Variants in SERINC5 observed in about 807,000 individuals in gnomAD.
The protein encoded by SERINC5 is chromosome 5 open reading frame 12.
A neutral mutation model predicts 63.1 loss-of-function variants in SERINC5; 41 were observed. The observed-to-expected ratio is 0.65, with a 90% CI of 0.51 to 0.84. The LOEUF (loss-of-function observed/expected upper bound fraction) is 0.84, where lower values mean the gene tolerates loss of function less well. Ranked by LOEUF, SERINC5 falls within the 40% of genes least tolerant of loss-of-function variation. The probability of loss-of-function intolerance (pLI) is 0.00; values close to 1 mark genes in which losing one functional copy is unlikely to be tolerated. For synonymous variants in SERINC5, 222 were observed against 215.2 expected (o/e 1.03, Z -0.28); for missense variants, 523 against 573.0 (o/e 0.91, Z 0.89).
At chr5:80,226,061 CCCT>C (rs1426478671) in intron 1 of SERINC5, among the ~76,000 whole-genome samples, 2 of 151,802 alleles carry the variant, frequency 1.3e-5, no homozygotes, top group Non-Finnish European at 2.9e-5. Context: ...AAAACCACCC[CCCT>C]GCCTTTTGTT....
chr5:80,229,831 C>A (rs986211451), intron 1 of SERINC5, among the ~76,000 whole-genome samples: 3 of 152,182 alleles, frequency 2.0e-5, no homozygotes, highest in African/African-American at 7.2e-5. Flanking sequence ...TCTGCTGCCT[C>A]ATACAAAACA....
rs200623852 is a variant in SERINC5 at position 80,191,695 on chromosome 5, C to CT, written c.195+11190dup. On this transcript the variant is annotated intron_variant, in intron 2 of 11. Transcript: ENST00000507668. ...AAAAAAAGAAAGAAAAAAAAAAAGACTTTTTTTTTTTTAACTTGTAAACAA... is the reference window on the plus strand; with the variant it reads ...AAAAAAAGAAAGAAAAAAAAAAAGACTTTTTTTTTTTTTAACTTGTAAACAA... Among the ~76,000 whole-genome samples, 527 of 140,170 alleles carry CT rather than the reference C, an allele frequency of 3.8e-3. 9 individuals are homozygous for CT. The highest frequency in any genetic ancestry group is 0.021 in the Admixed American group (290 of 14,082). 92.0% of individuals were successfully genotyped at this position (140,170 alleles called of 152,430 possible). A position where few individuals can be genotyped will look rare whatever the true frequency, so the allele number is the denominator to read the frequency against.
intron 1 of SERINC5, among the ~76,000 whole-genome samples, chr5:80,203,502 T>C (rs964828091): frequency 6.6e-6 from 1 of 151,538 alleles, no homozygotes; most frequent in African/African-American, 2.4e-5. Flanking sequence ...CAAGACCCCA[T>C]CTCTTACAAA....
At chr5:80,136,518 A>C (rs1211390774), downstream of SERINC5, among the ~76,000 whole-genome samples, 4 of 152,222 alleles carry the variant, frequency 2.6e-5, no homozygotes, top group Non-Finnish European at 5.9e-5. Flanking sequence ...CTTTTATTTC[A>C]TACCATATTA....
intron 1 of SERINC5, among the ~76,000 whole-genome samples, chr5:80,253,708 C>T (rs1752525004): frequency 6.6e-6 from 1 of 152,192 alleles, no homozygotes; most frequent in Admixed American, 6.5e-5. Flanking sequence ...CAACCCTCCT[C>T]AAGGCTGCTT....
downstream of SERINC5, among the ~76,000 whole-genome samples, chr5:80,134,920 A>G (rs571643630): frequency 7.2e-5 from 11 of 152,350 alleles, no homozygotes; most frequent in South Asian, 2.1e-3. Context: ...AATCCACAGA[A>G]AACTCACAAT....
intron 11 of SERINC5, 36 bp downstream of exon 11, chr5:80,146,054 T>C: frequency 6.2e-7 from 1 of 1,611,260 alleles, no homozygotes; most frequent in South Asian, 1.1e-5. Flanking sequence ...CTTTAAGGCT[T>C]TGCTTCAAAA....
intron 2 of SERINC5, among the ~76,000 whole-genome samples, chr5:80,182,553 C>CA (rs1330987143): frequency 3.1e-5 from 4 of 128,140 alleles, no homozygotes; most frequent in East Asian, 3.5e-4. Flanking sequence ...CGCCCCCCCC[C>CA]CCTCCGCTTT....
intron 11 of SERINC5, among the ~76,000 whole-genome samples, chr5:80,120,665 A>G (rs1489749887): frequency 6.6e-6 from 1 of 151,856 alleles, no homozygotes; most frequent in East Asian, 2.0e-4. Flanking sequence ...AATACAAAAA[A>G]TTAGCCAGGT....
intron 6 of SERINC5, chr5:80,166,761 T>A (rs1747329597): frequency 4.0e-6 from 1 of 247,110 alleles, no homozygotes; most frequent in Non-Finnish European, 8.0e-6. Context: ...TAAAACACAC[T>A]AACTAGTCTC....
chr5:80,203,694 C>A (rs1750000432), intron 1 of SERINC5, among the ~76,000 whole-genome samples: 1 of 152,074 alleles, frequency 6.6e-6, no homozygotes, highest in Non-Finnish European at 1.5e-5. Context: ...TGGTCTGGTG[C>A]AAGGGCTTCT....
At chr5:80,166,654 G>A in intron 6 of SERINC5, 176 bp from the exon 7 acceptor site, 3 of 506,124 alleles carry the variant, frequency 5.9e-6, no homozygotes, top group Admixed American at 3.3e-5. Flanking sequence ...GATATTAAGG[G>A]GGAGAGAGTT....
intron 7 of SERINC5, among the ~76,000 whole-genome samples, chr5:80,161,722 T>C (rs1464836387): frequency 6.6e-6 from 1 of 152,244 alleles, no homozygotes; most frequent in Non-Finnish European, 1.5e-5. Context: ...GTTCCATTTG[T>C]CTGGTTTTGT....
chr5:80,231,961 G>C (rs1751457888), intron 1 of SERINC5, among the ~76,000 whole-genome samples: 2 of 151,922 alleles, frequency 1.3e-5, no homozygotes. Flanking sequence ...AGTTAGCCAA[G>C]CATGATGGCA....
At chr5:80,174,544 CT>C (rs995860000) in intron 5 of SERINC5, among the ~76,000 whole-genome samples, 1 of 151,820 alleles carries the variant, frequency 6.6e-6, no homozygotes, top group Non-Finnish European at 1.5e-5. Context: ...AGAAAAGGTA[CT>C]TTAGTTGTTC....
chr5:80,113,721 G>C (rs1006517569), intron 11 of SERINC5: 1 of 161,282 alleles, frequency 6.2e-6, no homozygotes. Flanking sequence ...ACTATCACAA[G>C]AATAGCACGA....
chr5:80,207,280 T>C (rs1302323654), intron 1 of SERINC5, among the ~76,000 whole-genome samples: 2 of 152,244 alleles, frequency 1.3e-5, no homozygotes, highest in Admixed American at 1.3e-4. Context: ...ATTACAGGTG[T>C]AAGCCATGGT....
At chr5:80,168,187 T>C (rs796950390) in intron 6 of SERINC5, among the ~76,000 whole-genome samples, 7 of 152,252 alleles carry the variant, frequency 4.6e-5, no homozygotes, top group African/African-American at 1.7e-4. Flanking sequence ...AAACAAATTA[T>C]TTGTGACTAG....
chr5:80,142,074 A>G lies in SERINC5; in HGVS notation c.*1589T>C. On this transcript the variant is annotated 3_prime_UTR_variant, in exon 12 of 12. Transcript: ENST00000507668. ...AACTCATACAGTAGGGCACAGAAAA[A>G]AATGACTAGGCTGAGCCTTTTATTC... is the stretch of plus-strand genomic sequence containing the variant. 1.0e-6 allele frequency: 1 copy of G among 985,404 alleles called. No homozygotes were observed. Among genetic ancestry groups the G allele is most frequent in the Non-Finnish European group, 1.2e-6 (1 of 829,912 alleles). 61.0% of individuals were successfully genotyped at this position (985,404 alleles called of 1,614,324 possible). A position where few individuals can be genotyped will look rare whatever the true frequency, so the allele number is the denominator to read the frequency against.
Sources: gnomAD v4.1 joint callset for allele counts (sites outside exome capture counted in the v4.1 genomes callset) on GRCh38, gnomAD v4.1.1 for gene constraint, MANE v1.5 for transcripts, NCBI Gene and HGNC (gene_info 2026-07-23, HGNC 2026-07-21) for gene names.